DCDC2: variants seen among roughly 807,000 people sequenced by gnomAD.
DCDC2 encodes doublecortin domain containing 2.
A neutral mutation model predicts 50.2 loss-of-function variants in DCDC2; 40 were observed. The ratio of observed to expected loss-of-function variants is 0.80; its 90% CI spans 0.62 to 1.04. The LOEUF (loss-of-function observed/expected upper bound fraction) is 1.04, where lower values mean the gene tolerates loss of function less well. Among genes scored for constraint, DCDC2 ranks in the 50% least tolerant of loss-of-function variants. The pLI is 0.00. For synonymous variants in DCDC2, 234 were observed against 210.6 expected, an observed-to-expected ratio of 1.11 and a Z score of -0.96; for missense variants, 570 against 581.9, an observed-to-expected ratio of 0.98 and a Z score of 0.21.
intron 8 of DCDC2, among the ~76,000 whole-genome samples, chr6:24,186,535 G>A (rs1467119848): frequency 6.6e-6 from 1 of 152,194 alleles, no homozygotes; most frequent in Non-Finnish European, 1.5e-5. Context: ...GGTCCCCTCA[G>A]TAGCTGAAAA....
chr6:24,298,252 GC>G (rs1759300734), intron 4 of DCDC2, among the ~76,000 whole-genome samples: 1 of 152,192 alleles, frequency 6.6e-6, no homozygotes, highest in African/African-American at 2.4e-5. Context: ...GGTGATGCTC[GC>G]CTGCCACTCA....
chr6:24,229,052 T>TCC (rs1340751006), intron 7 of DCDC2, among the ~76,000 whole-genome samples: 1 of 152,236 alleles, frequency 6.6e-6, no homozygotes. Context: ...TAGACAGGTC[T>TCC]CCCCTTGCTC....
intron 8 of DCDC2, among the ~76,000 whole-genome samples, chr6:24,199,623 TCCTCA>T (rs1412743743): frequency 6.6e-6 from 1 of 151,974 alleles, no homozygotes; most frequent in Non-Finnish European, 1.5e-5. Context: ...GGATCACAAC[TCCTCA>T]CCAGCAAGGG....
At chr6:24,366,890 C>T in the DCDC2 span, among the ~76,000 whole-genome samples, 19 of 152,120 alleles carry the variant, frequency 1.2e-4, no homozygotes, top group Admixed American at 7.2e-4. Flanking sequence ...CTCTGTCACC[C>T]AGGTTGTGGC....
intron 7 of DCDC2, among the ~76,000 whole-genome samples, chr6:24,251,616 G>A (rs1762795774): frequency 6.6e-6 from 1 of 152,074 alleles, no homozygotes; most frequent in African/African-American, 2.4e-5. Context: ...TCAGCTCTCT[G>A]GTCTTGAGCA....
At chr6:24,191,880 A>G (rs1323319858) in intron 8 of DCDC2, among the ~76,000 whole-genome samples, 1 of 152,202 alleles carries the variant, frequency 6.6e-6, no homozygotes, top group African/African-American at 2.4e-5. Context: ...AAATGGATGG[A>G]TGACAGCAGA....
chr6:24,198,821 G>A (rs1177345745), intron 8 of DCDC2, among the ~76,000 whole-genome samples: 1 of 152,176 alleles, frequency 6.6e-6, no homozygotes, highest in African/African-American at 2.4e-5. Context: ...AGCTTGGTGG[G>A]GGGAGGGATG....
At chr6:24,234,060 A>T (rs1762392119) in intron 7 of DCDC2, among the ~76,000 whole-genome samples, 1 of 149,916 alleles carries the variant, frequency 6.7e-6, no homozygotes, top group Non-Finnish European at 1.5e-5. Context: ...TGACATAAAG[A>T]TAAACACTAA....
intron 7 of DCDC2, among the ~76,000 whole-genome samples, chr6:24,247,838 G>A (rs1208205821): frequency 6.6e-6 from 1 of 152,172 alleles, no homozygotes. Flanking sequence ...ACTTTGGGAG[G>A]CTGAAGCGGG....
intron 7 of DCDC2, among the ~76,000 whole-genome samples, chr6:24,276,043 T>G (rs984965512): frequency 1.1e-4 from 16 of 151,988 alleles, no homozygotes; most frequent in African/African-American, 3.6e-4. Flanking sequence ...CTAATTTTTT[T>G]TATTTGTTTT....
chr6:24,350,202 T>C (rs2127253715), intron 2 of DCDC2, among the ~76,000 whole-genome samples: 1 of 152,318 alleles, frequency 6.6e-6, no homozygotes, highest in East Asian at 1.9e-4. Flanking sequence ...GCATTTCCAA[T>C]GTCAAGGTGA....
In DCDC2 at chr6:24,290,939, G is replaced by A; in HGVS notation, c.697C>T (p.Pro233Ser). The A allele has an allele frequency of 4.3e-6, 7 of 1,613,300 alleles. No homozygotes were observed. Among genetic ancestry groups the A allele is most frequent in the Non-Finnish European group, 5.9e-6 (7 of 1,179,812 alleles). ...GTAAGGAGTAAGACTTACCCAAAAG[G>A]CCTTCTCATCGTTGACTTGTCAAAA... ...LLFDKSTMRR[P>S]FGQKASSLPP... The change falls in exon 5 of 10, where the codon CCT (proline) becomes TCT (serine). Residue 233 changes from proline (P) to serine (S), a missense_variant. Pro to Ser is a moderately conservative substitution (Grantham distance 74). Coordinates refer to ENST00000378454, the MANE Select transcript of DCDC2 (RefSeq NM_016356.5).
chr6:24,264,383 A>C (rs1490773973), intron 7 of DCDC2, among the ~76,000 whole-genome samples: 1 of 152,130 alleles, frequency 6.6e-6, no homozygotes, highest in Non-Finnish European at 1.5e-5. Flanking sequence ...CTTCAGTTGA[A>C]ATATTAAAAT....
At chr6:24,336,132 T>C (rs751013953) in intron 2 of DCDC2, among the ~76,000 whole-genome samples, 1 of 152,228 alleles carries the variant, frequency 6.6e-6, no homozygotes, top group African/African-American at 2.4e-5. Context: ...GTCTCCACTG[T>C]TCAATGGTGG....
intron 2 of DCDC2, among the ~76,000 whole-genome samples, chr6:24,325,481 A>G (rs1759843182): frequency 6.7e-6 from 1 of 149,548 alleles, no homozygotes; most frequent in African/African-American, 2.4e-5. Flanking sequence ...CGTCCCTCAC[A>G]TGCTTGAAGA....
At chr6:24,295,574 C>G (rs974564297) in intron 4 of DCDC2, among the ~76,000 whole-genome samples, 1 of 152,130 alleles carries the variant, frequency 6.6e-6, no homozygotes, top group Non-Finnish European at 1.5e-5. Flanking sequence ...TAGAAAATCT[C>G]ACAGTCTCGG....
At chr6:24,222,982 C>T (rs1324845055) in intron 7 of DCDC2, among the ~76,000 whole-genome samples, 4 of 152,072 alleles carry the variant, frequency 2.6e-5, no homozygotes, top group Non-Finnish European at 5.9e-5. Context: ...AGTGTATACT[C>T]TTATATGGGT....
rs1245190689 is a variant in DCDC2 at position 24,320,962 on chromosome 6, A to AT, written c.349-18919_349-18918insA. 2.0e-3 allele frequency among the ~76,000 whole-genome samples: 294 copies of AT among 149,826 alleles called. 1 individual carries two copies. Among genetic ancestry groups the AT allele is most frequent in the African/African-American group, 4.8e-3 (196 of 41,074 alleles). On this transcript the variant is annotated intron_variant, in intron 2 of 9. Transcript: ENST00000378454. ...AAAGTAATTAAATAAAAAAATTAAAAAAAAAAAAAAAACAGCAGGGCCATA... is the reference window on the plus strand; with the variant it reads ...AAAGTAATTAAATAAAAAAATTAAAATAAAAAAAAAAAACAGCAGGGCCATA...
At chr6:24,205,682 T>C (rs1338368132) in intron 7 of DCDC2, among the ~76,000 whole-genome samples, 1 of 152,210 alleles carries the variant, frequency 6.6e-6, no homozygotes, top group Non-Finnish European at 1.5e-5. Context: ...TGACTTTAAA[T>C]CCTTAACTAT....
Sources: allele counts gnomAD v4.1 joint callset (sites outside exome capture counted in the v4.1 genomes callset), GRCh38; gene constraint gnomAD v4.1.1; transcripts MANE v1.5; gene names NCBI Gene and HGNC (gene_info 2026-07-23, HGNC 2026-07-21).